Variants in TMEM191C observed in about 807,000 individuals in gnomAD.
TMEM191C encodes the protein KB-1323B2.6.
Under a neutral mutation model 37.1 loss-of-function variants are expected in TMEM191C, and 26 were observed. That is an observed-to-expected ratio of 0.70 (90% confidence interval 0.51 to 0.97). The LOEUF is 0.97. Among genes scored for constraint, TMEM191C ranks in the 50% least tolerant of loss-of-function variants. TMEM191C has a pLI of 0.00. For synonymous variants in TMEM191C, 115 were observed against 143.7 expected (o/e 0.80, Z 1.43); for missense variants, 240 against 294.7 (o/e 0.81, Z 1.36).
At chr22:21,467,648 C>T (rs1230628807) in intron 1 of TMEM191C, 34 bp downstream of exon 1, 2 of 1,498,754 alleles carry the variant, frequency 1.3e-6, no homozygotes, top group East Asian at 2.5e-5. Flanking sequence ...CTGGCGGGCG[C>T]GCGAGGGTCG....
rs1355308373 is a variant in TMEM191C at position 21,468,216 on chromosome 22, A to G, written c.330+14A>G. The G allele has an allele frequency of 6.5e-7, 1 of 1,528,132 alleles. No homozygotes were observed. Among genetic ancestry groups the G allele is most frequent in the African/African-American group, 1.4e-5 (1 of 71,266 alleles). The allele number at this position is 1,528,132 out of a possible 1,614,324, so 94.7% of individuals were successfully genotyped here. A position where few individuals can be genotyped will look rare whatever the true frequency, so the allele number is the denominator to read the frequency against. On this transcript the variant is annotated intron_variant, in intron 3 of 9. Coordinates refer to ENST00000536718, the MANE Select transcript of TMEM191C (RefSeq NM_001388354.1). Reference sequence around the variant, plus strand: ...CTGTCGAGTCAGGTACGTGCAGGAGATGGGAGGGCCTGTCTCTTGGTTCCT... The same window carrying G: ...CTGTCGAGTCAGGTACGTGCAGGAGGTGGGAGGGCCTGTCTCTTGGTTCCT...
At position 21,469,537 on chromosome 22, in the gene TMEM191C, G is replaced by A. The variant is rs1924663907; in HGVS notation, c.704+3G>A. On this transcript the variant is annotated splice_donor_region_variant and intron_variant, in intron 9 of 9. Coordinates refer to ENST00000536718, the MANE Select transcript of TMEM191C (RefSeq NM_001388354.1). Reference sequence around the variant, plus strand: ...GGCCCTCGCGCGCTGGCCATCAGGTGAGCCGGGCGGTGGGCGCGGCCGCGG... The same window carrying A: ...GGCCCTCGCGCGCTGGCCATCAGGTAAGCCGGGCGGTGGGCGCGGCCGCGG... The A allele has an allele frequency of 1.5e-6, 2 of 1,376,432 alleles. No homozygotes were observed. Among genetic ancestry groups the A allele is most frequent in the African/African-American group, 1.5e-5 (1 of 65,222 alleles). 85.3% of individuals were successfully genotyped at this position (1,376,432 alleles called of 1,614,324 possible). A position where few individuals can be genotyped will look rare whatever the true frequency, so the allele number is the denominator to read the frequency against.
At position 21,467,822 on chromosome 22, in the gene TMEM191C, C is replaced by G. The variant is rs1301508454; in HGVS notation, c.156-72C>G. 2.1e-4 allele frequency: 107 copies of G among 507,310 alleles called. No individual in the cohort carries two copies. The African/African-American group carries it at 2.6e-3, about 12-fold the overall frequency. The allele number at this position is 507,310 out of a possible 1,614,324, so 31.4% of individuals were successfully genotyped here. On this transcript the variant is annotated intron_variant, in intron 1 of 9. Transcript: ENST00000536718. ...CCTCAATCATGAGCCTGCGGCTGGTCCTTCCTGGCGACTGCGGGATCCTGA... is the reference window on the plus strand; with the variant it reads ...CCTCAATCATGAGCCTGCGGCTGGTGCTTCCTGGCGACTGCGGGATCCTGA...
At chr22:21,468,556 G>T in intron 4 of TMEM191C, 125 bp downstream of exon 4, 3 of 751,596 alleles carry the variant, frequency 4.0e-6, no homozygotes, top group Non-Finnish European at 6.0e-6. Flanking sequence ...GAATGTGGGC[G>T]GAGCACAATC....
chr22:21,467,605 G>C lies in TMEM191C; in HGVS notation c.146G>C (p.Arg49Pro), dbSNP rs1378390711. 1.3e-6 allele frequency: 2 copies of C among 1,530,134 alleles called. No individual in the cohort carries two copies. Among genetic ancestry groups the C allele is most frequent in the Admixed American group, 2.0e-5 (1 of 50,376 alleles). 94.8% of individuals were successfully genotyped at this position (1,530,134 alleles called of 1,614,324 possible). A position where few individuals can be genotyped will look rare whatever the true frequency, so the allele number is the denominator to read the frequency against. ...CAGCGCCTGCAGGACCTGAGCGAGC[G>C]GGAGCGGAGGTGCGCGGGGAACGCC... The part of the protein sequence containing the change: ...LNQRLQDLSE[R>P]ERSLLRRRSQ... Residue 49 changes from arginine to proline, a missense_variant, in exon 1 of 10, where the codon CGG becomes CCG. Physicochemically the swap from Arg to Pro is moderately radical, Grantham distance 103. Around this residue, in one of 3 missense-constraint regions of TMEM191C, gnomAD observed 130 missense variants for 105.7 expected, o/e 1.23. Transcript: ENST00000536718.
In TMEM191C at chr22:21,469,758, C is replaced by T. The variant is rs1189524681; in HGVS notation, c.846C>T (p.Arg282=). Residue 282 remains arginine (R), a synonymous_variant, in exon 10 of 10, where the codon CGC becomes CGT. Coordinates refer to ENST00000536718, the MANE Select transcript of TMEM191C (RefSeq NM_001388354.1). ...GCCTCACCTCGGAGACGACGCTGCG[C>T]CGCCTGCGCTACACGCTGTCCCCGC... The part of the protein sequence containing the change: ...LWSLTSETTL[R]RLRYTLSPLL... The T allele has an allele frequency of 2.0e-6, 3 of 1,531,348 alleles. No homozygotes were observed. The highest frequency in any genetic ancestry group is 2.6e-6 in the Non-Finnish European group (3 of 1,146,012). The allele number at this position is 1,531,348 out of a possible 1,614,324, so 94.9% of individuals were successfully genotyped here.
At position 21,467,937 on chromosome 22, in the gene TMEM191C, G is replaced by A. The variant is rs1208629748; in HGVS notation, c.199G>A (p.Glu67Lys). The change falls in exon 2 of 10, where the codon GAG becomes AAG. Residue 67 changes from glutamate (E) to lysine (K), a missense_variant. Glu to Lys is a moderately conservative substitution (Grantham distance 56, BLOSUM62 1). Transcript: ENST00000536718. Reference protein sequence around the residue: ...RSQAAQPLQGEAREAARERAE... With the variant: ...RSQAAQPLQGKAREAARERAE... ...CCAGGCAGCGCAGCCTCTGCAAGGG[G>A]AGGCGCGCGAGGCGGCGCGGGAGCG... 1 of 593,492 alleles carries A rather than the reference G, an allele frequency of 1.7e-6. No individual in the cohort carries two copies. The highest frequency in any genetic ancestry group is 4.3e-4 in the Middle Eastern group (1 of 2,346). The allele number at this position is 593,492 out of a possible 1,614,324, so 36.8% of individuals were successfully genotyped here.
At chr22:21,469,586 G>A in intron 9 of TMEM191C, 31 bp from the exon 10 acceptor site, 2 of 1,474,642 alleles carry the variant, frequency 1.4e-6, no homozygotes, top group Non-Finnish European at 1.8e-6. Context: ...CGCCCGAGTT[G>A]CCGCCCACCT....
At chr22:21,469,583 G>C (rs1023944818) in intron 9 of TMEM191C, 34 bp from the exon 10 acceptor site, 1 of 1,473,806 alleles carries the variant, frequency 6.8e-7, no homozygotes, top group Non-Finnish European at 8.9e-7. Flanking sequence ...GCCCGCCCGA[G>C]TTGCCGCCCA....
At position 21,467,630 on chromosome 22, in the gene TMEM191C, C is replaced by T. The variant is rs752061984; in HGVS notation, c.155+16C>T. 50 of 1,524,762 alleles carry T rather than the reference C, an allele frequency of 3.3e-5. No individual in the cohort carries two copies. The African/African-American group carries it at 4.4e-4, about 14-fold the overall frequency. 94.5% of individuals were successfully genotyped at this position (1,524,762 alleles called of 1,614,324 possible). ...GGGAGCGGAGGTGCGCGGGGAACGC[C>T]CCTCTACCTGGCGGGCGCGCGAGGG... On this transcript the variant is annotated intron_variant, in intron 1 of 9. Coordinates refer to ENST00000536718, the MANE Select transcript of TMEM191C (RefSeq NM_001388354.1).
At chr22:21,468,121 G>A in intron 2 of TMEM191C, 31 bp from the exon 3 acceptor site, 5 of 1,476,688 alleles carry the variant, frequency 3.4e-6, no homozygotes, top group Non-Finnish European at 4.5e-6. Context: ...CCGGCGGAGA[G>A]GTCGGCACCG....
chr22:21,467,677 C>G (rs1924571201), intron 1 of TMEM191C, 63 bp downstream of exon 1: 1 of 1,038,142 alleles, frequency 9.6e-7, no homozygotes, highest in African/African-American at 1.7e-5. Flanking sequence ...GGCAGCGCCG[C>G]GAGGTGCTTC....
chr22:21,468,893 AG>A (rs1924636262), intron 5 of TMEM191C, 50 bp from the exon 6 acceptor site: 2 of 578,546 alleles, frequency 3.5e-6, no homozygotes, highest in Non-Finnish European at 5.8e-6. Context: ...TGGATGGGGA[AG>A]GGCCTGTCGC....
chr22:21,468,245 G>C (rs768121039), intron 3 of TMEM191C, 43 bp downstream of exon 3: 2 of 1,532,966 alleles, frequency 1.3e-6, no homozygotes, highest in East Asian at 2.4e-5. Context: ...GGTTCCTCTC[G>C]GAAGTCCTGC....
Position 21,468,365 on chromosome 22 carries a change from C to G in TMEM191C, c.342C>G (p.Tyr114Ter). The G allele has an allele frequency of 6.5e-7, 1 of 1,535,300 alleles. No individual in the cohort carries two copies. Among genetic ancestry groups the G allele is most frequent in the Non-Finnish European group, 8.7e-7 (1 of 1,146,698 alleles). ...AGCCCCGCCCCTAGCTCTTCTACTA[C>G]GGAGGGGAACTGCAGAGCCAGAAGA... ...WEELSSQLFY[Y>*]GGELQSQKST... The change falls in exon 4 of 10, where the codon TAC becomes TAG. Residue 114 changes from tyrosine (Y) to a stop codon, truncating the protein, a stop_gained. Coordinates refer to ENST00000536718, the MANE Select transcript of TMEM191C (RefSeq NM_001388354.1). LOFTEE classifies it high-confidence loss of function.
chr22:21,467,837 C>G (rs969465275), intron 1 of TMEM191C, 57 bp from the exon 2 acceptor site: 1 of 519,016 alleles, frequency 1.9e-6, no homozygotes, highest in African/African-American at 3.2e-5. Context: ...CTGGCGACTG[C>G]GGGATCCTGA....
intron 3 of TMEM191C, 66 bp downstream of exon 3, chr22:21,468,268 C>T (rs1358537266): frequency 2.7e-5 from 42 of 1,534,222 alleles, no homozygotes; most frequent in East Asian, 1.5e-4. Flanking sequence ...TTGTCCTCGC[C>T]CTTGTTGCCT....
At position 21,469,858 on chromosome 22, in the gene TMEM191C, GGGCACCT is replaced by G; in HGVS notation, c.*41_*47del. ...CGCGCCTGGCTCCAGGTGGACTCCAGGGCACCTGGCTTTATTTCTGGTGCACTCCTCT... is the reference window on the plus strand; with the variant it reads ...CGCGCCTGGCTCCAGGTGGACTCCAGGGCTTTATTTCTGGTGCACTCCTCT... On this transcript the variant is annotated 3_prime_UTR_variant, in exon 10 of 10. Transcript: ENST00000536718. The G allele has an allele frequency of 6.6e-7, 1 of 1,522,222 alleles. No homozygotes were observed. The highest frequency in any genetic ancestry group is 8.8e-7 in the Non-Finnish European group (1 of 1,142,372). The allele number at this position is 1,522,222 out of a possible 1,614,324, so 94.3% of individuals were successfully genotyped here.
At chr22:21,468,228 G>GTC (rs1568952522) in intron 3 of TMEM191C, 26 bp downstream of exon 3, 2 of 1,531,482 alleles carry the variant, frequency 1.3e-6, no homozygotes, top group Non-Finnish European at 1.7e-6. Context: ...GGGAGGGCCT[G>GTC]TCTCTTGGTT....
Sources: allele counts gnomAD v4.1 joint callset, GRCh38; gene constraint gnomAD v4.1.1; regional missense constraint gnomAD v4.1.1; transcripts MANE v1.5; gene names NCBI Gene and HGNC (gene_info 2026-07-23, HGNC 2026-07-21).